The following EDNRB variants were observed in gnomAD, a reference collection of about 807,000 sequenced individuals.
The protein encoded by EDNRB is Hirschsprung disease 2.
Under a neutral mutation model 46.4 loss-of-function variants are expected in EDNRB, and 18 were observed. The observed-to-expected ratio is 0.39, with a 90% CI of 0.27 to 0.57. The LOEUF is 0.57. Ranked by LOEUF, EDNRB falls within the 20% of genes least tolerant of loss-of-function variation. The pLI is 0.61. For synonymous variants in EDNRB, 213 were observed against 204.9 expected (o/e 1.04, Z -0.34); for missense variants, 434 against 537.5 (o/e 0.81, Z 1.90).
chr13:77,970,321 T>G (rs949705422), intron 1 of EDNRB, among the ~76,000 whole-genome samples: 1 of 152,092 alleles, frequency 6.6e-6, no homozygotes, highest in African/African-American at 2.4e-5. Context: ...CTATAGAACG[T>G]GTAGCAGGAC....
chr13:77,970,287 G>A (rs985586351), intron 1 of EDNRB, among the ~76,000 whole-genome samples: 7 of 152,096 alleles, frequency 4.6e-5, no homozygotes, highest in Admixed American at 6.6e-5. Flanking sequence ...GACCCCTGGT[G>A]GTATTTTCTG....
chr13:77,965,350 C>T (rs903047981), intron 1 of EDNRB, among the ~76,000 whole-genome samples: 2 of 152,136 alleles, frequency 1.3e-5, no homozygotes, highest in African/African-American at 4.8e-5. Context: ...TATTTTCATG[C>T]TTCATTTGAA....
intron 1 of EDNRB, among the ~76,000 whole-genome samples, chr13:77,941,609 A>G (rs1418626090): frequency 6.6e-6 from 1 of 152,234 alleles, no homozygotes; most frequent in African/African-American, 2.4e-5. Flanking sequence ...AGTTTCTCTT[A>G]ACAGGTTAAA....
intron 1 of EDNRB, among the ~76,000 whole-genome samples, chr13:77,937,556 T>C (rs1481443211): frequency 6.6e-6 from 1 of 152,150 alleles, no homozygotes; most frequent in Admixed American, 6.6e-5. Flanking sequence ...AGAGGTCTGA[T>C]AGAGAAAAAG....
At chr13:77,969,700 T>C (rs756747320) in intron 1 of EDNRB, among the ~76,000 whole-genome samples, 1 of 152,204 alleles carries the variant, frequency 6.6e-6, no homozygotes, top group African/African-American at 2.4e-5. Context: ...ATTTTCATTT[T>C]ATTCAGTAGG....
upstream of EDNRB, among the ~76,000 whole-genome samples, chr13:77,920,923 C>T (rs1257605246): frequency 6.6e-6 from 1 of 152,204 alleles, no homozygotes; most frequent in Non-Finnish European, 1.5e-5. Context: ...CCTATGGCTC[C>T]TGTGGGGTGA....
chr13:77,908,396 C>A (rs1456041574), intron 1 of EDNRB, among the ~76,000 whole-genome samples: 2 of 144,390 alleles, frequency 1.4e-5, no homozygotes, highest in Non-Finnish European at 3.0e-5. Flanking sequence ...ATAAAGGTAT[C>A]CCTGGTGGGG....
chr13:77,929,919 G>A (rs1174715039), intron 1 of EDNRB, among the ~76,000 whole-genome samples: 1 of 152,130 alleles, frequency 6.6e-6, no homozygotes, highest in Non-Finnish European at 1.5e-5. Flanking sequence ...TGATTGTCTA[G>A]GAAATGTCAG....
At chr13:77,966,753 T>G (rs1881594150) in intron 1 of EDNRB, among the ~76,000 whole-genome samples, 1 of 152,160 alleles carries the variant, frequency 6.6e-6, no homozygotes, top group Non-Finnish European at 1.5e-5. Context: ...TTTGCAGAAG[T>G]AAAAATTTTT....
intron 1 of EDNRB, among the ~76,000 whole-genome samples, chr13:77,934,254 T>G (rs1182213876): frequency 6.6e-6 from 1 of 152,208 alleles, no homozygotes; most frequent in Non-Finnish European, 1.5e-5. Flanking sequence ...GCCTGAATTC[T>G]GAGAAGGGAA....
upstream of EDNRB, chr13:77,919,595 C>T: frequency 6.2e-7 from 1 of 1,608,968 alleles, no homozygotes; most frequent in Non-Finnish European, 8.5e-7. Flanking sequence ...CTGCTGCCAT[C>T]AGACAAGTAC....
At chr13:77,915,030 A>T (rs1879740566) in intron 1 of EDNRB, among the ~76,000 whole-genome samples, 1 of 152,228 alleles carries the variant, frequency 6.6e-6, no homozygotes, top group Non-Finnish European at 1.5e-5. Flanking sequence ...CACCAAAAAA[A>T]TTAGAAATCA....
At chr13:77,927,345 C>G (rs1278333075) in intron 1 of EDNRB, among the ~76,000 whole-genome samples, 1 of 152,154 alleles carries the variant, frequency 6.6e-6, no homozygotes, top group Non-Finnish European at 1.5e-5. Context: ...TAGATTAACA[C>G]AGTGACTGGG....
intron 4 of EDNRB, 35 bp from the exon 5 acceptor site, chr13:77,900,689 G>A: frequency 6.2e-7 from 1 of 1,611,362 alleles, no homozygotes; most frequent in Admixed American, 1.7e-5. Context: ...CTTAAAAGAT[G>A]GCTCATTTTA....
In EDNRB at chr13:77,896,412, T is replaced by C; in HGVS notation, c.*1788A>G. ...AATTAAAGAACAAGTTTGTGGGTGA[T>C]TTATAAATAGAATCCATATGGTGTG... On this transcript the variant is annotated 3_prime_UTR_variant, in exon 7 of 7. Transcript: ENST00000646607. 6.5e-7 allele frequency: 1 copy of C among 1,538,108 alleles called. No homozygotes were observed. The highest frequency in any genetic ancestry group is 8.8e-7 in the Non-Finnish European group (1 of 1,142,474).
intron 1 of EDNRB, 114 bp downstream of exon 1, chr13:77,917,977 C>T: frequency 2.0e-6 from 3 of 1,523,540 alleles, no homozygotes; most frequent in Non-Finnish European, 2.7e-6. Context: ...TTAGGAGGGG[C>T]AGAACCTTAA....
chr13:77,957,430 A>G (rs1881272186), intron 1 of EDNRB, among the ~76,000 whole-genome samples: 1 of 152,184 alleles, frequency 6.6e-6, no homozygotes, highest in Non-Finnish European at 1.5e-5. Flanking sequence ...GACTACTTTT[A>G]TGTTATTGTG....
chr13:77,963,583 C>T (rs1453767946), intron 1 of EDNRB, among the ~76,000 whole-genome samples: 2 of 152,252 alleles, frequency 1.3e-5, no homozygotes, highest in Non-Finnish European at 2.9e-5. Flanking sequence ...AAAGCTGAAA[C>T]TGGATCCCTT....
chr13:77,919,141 G>A (rs545828603), upstream of EDNRB: 2 of 516,098 alleles, frequency 3.9e-6, no homozygotes, highest in African/African-American at 3.8e-5. Context: ...TACAGCTCCC[G>A]CAGCGCGCCC....
Sources: gnomAD v4.1 joint callset for allele counts (sites outside exome capture counted in the v4.1 genomes callset) on GRCh38, gnomAD v4.1.1 for gene constraint, MANE v1.5 for transcripts, NCBI Gene and HGNC (gene_info 2026-07-23, HGNC 2026-07-21) for gene names.